The following SPATS2 variants were observed in gnomAD, a reference collection of about 807,000 sequenced individuals.
SPATS2 encodes spermatogenesis associated serine rich 2.
SPATS2 carries 38 observed loss-of-function variants against 63.7 expected under a neutral mutation model. That is an observed-to-expected ratio of 0.60 (90% confidence interval 0.46 to 0.78). The LOEUF is 0.78. SPATS2 is among the 30% of genes least tolerant of loss of function. SPATS2 has a pLI of 0.00. For missense variants in SPATS2, 588 were observed against 666.2 expected (o/e 0.88, Z 1.29); for synonymous variants, 207 against 232.9 (o/e 0.89, Z 1.01).
At chr12:49,391,533 A>G (rs1448422253) in intron 2 of SPATS2, among the ~76,000 whole-genome samples, 1 of 152,180 alleles carries the variant, frequency 6.6e-6, no homozygotes, top group East Asian at 1.9e-4. Context: ...ATATTTTAAA[A>G]AAAAGTCAAG....
In SPATS2 at chr12:49,517,188, T is replaced by G. The variant is rs192943005; in HGVS notation, c.899-1885T>G. The stretch of plus-strand genomic sequence containing the variant: ...GAAGTTGATACAAATGGCAAATAGG[T>G]TTTATCTTGGGACCTAAACCAATAG... On this transcript the variant is annotated intron_variant, in intron 10 of 13. Transcript: ENST00000552918. 1.5e-3 allele frequency among the ~76,000 whole-genome samples: 228 copies of G among 152,222 alleles called. 2 individuals carry two copies. The highest frequency in any genetic ancestry group is 8.5e-4 in the Non-Finnish European group (58 of 68,018).
At chr12:49,504,308 G>A (rs575101971) in intron 9 of SPATS2, among the ~76,000 whole-genome samples, 29 of 152,336 alleles carry the variant, frequency 1.9e-4, no homozygotes, top group Admixed American at 1.7e-3. Flanking sequence ...GCATTCTAAT[G>A]TATAAAACTT....
upstream of SPATS2, chr12:49,367,441 G>A: frequency 2.5e-6 from 1 of 400,400 alleles, no homozygotes; most frequent in Non-Finnish European, 4.4e-6. Flanking sequence ...GGCTCTGAGA[G>A]AGCTGGGGGA....
intron 5 of SPATS2, 90 bp downstream of exon 5, chr12:49,489,663 C>G (rs1037442460): frequency 6.5e-6 from 7 of 1,076,118 alleles, no homozygotes; most frequent in Non-Finnish European, 9.5e-6. Context: ...TCCAGTGATT[C>G]ATAGATGATA....
intron 2 of SPATS2, among the ~76,000 whole-genome samples, chr12:49,404,658 C>T (rs1944663965): frequency 6.6e-6 from 1 of 152,078 alleles, no homozygotes; most frequent in South Asian, 2.1e-4. Context: ...AGTTATGTGT[C>T]GAGCAGCCAC....
At chr12:49,390,938 C>G (rs866634755) in intron 2 of SPATS2, among the ~76,000 whole-genome samples, 1 of 152,142 alleles carries the variant, frequency 6.6e-6, no homozygotes, top group Non-Finnish European at 1.5e-5. Flanking sequence ...TTTTTCTCTT[C>G]TCTGGCTGAT....
At chr12:49,435,948 C>G (rs1945273735) in intron 2 of SPATS2, among the ~76,000 whole-genome samples, 1 of 150,380 alleles carries the variant, frequency 6.6e-6, no homozygotes, top group Non-Finnish European at 1.5e-5. Flanking sequence ...TCAGAGAGCA[C>G]AGGGTTGGGG....
chr12:49,513,044 T>G (rs1946777364), intron 9 of SPATS2: 7 of 578,424 alleles, frequency 1.2e-5, no homozygotes, highest in Admixed American at 3.0e-5. Flanking sequence ...GCGTAACGAT[T>G]ATCAAACCTA....
At chr12:49,504,550 C>G (rs898154938) in intron 9 of SPATS2, among the ~76,000 whole-genome samples, 3 of 152,144 alleles carry the variant, frequency 2.0e-5, no homozygotes, top group African/African-American at 7.2e-5. Context: ...GATACACACT[C>G]AGCTTCTCTT....
chr12:49,379,211 C>T (rs1944164776), intron 2 of SPATS2, among the ~76,000 whole-genome samples: 1 of 151,508 alleles, frequency 6.6e-6, no homozygotes, highest in Non-Finnish European at 1.5e-5. Context: ...TGAGCCACTG[C>T]GCCTGGCCCC....
intron 2 of SPATS2, among the ~76,000 whole-genome samples, chr12:49,429,001 G>C (rs951716946): frequency 7.2e-5 from 11 of 152,164 alleles, no homozygotes; most frequent in African/African-American, 2.4e-4. Context: ...CGAGGAGGAG[G>C]GCGCAGACAG....
intron 3 of SPATS2, among the ~76,000 whole-genome samples, chr12:49,468,309 A>C (rs1192481404): frequency 1.3e-5 from 2 of 150,666 alleles, no homozygotes; most frequent in Non-Finnish European, 3.0e-5. Flanking sequence ...ACAGGTGCCC[A>C]CCACCATGCC....
At chr12:49,400,777 G>C (rs947180422) in intron 2 of SPATS2, among the ~76,000 whole-genome samples, 1 of 152,172 alleles carries the variant, frequency 6.6e-6, no homozygotes, top group Non-Finnish European at 1.5e-5. Context: ...GAATGGATGA[G>C]GCAAAAGTTT....
intron 8 of SPATS2, 73 bp downstream of exon 8, chr12:49,497,082 G>C: frequency 7.1e-7 from 1 of 1,409,882 alleles, no homozygotes; most frequent in Non-Finnish European, 9.6e-7. Flanking sequence ...AATTATCTCT[G>C]TTGCCATAAA....
intron 3 of SPATS2, among the ~76,000 whole-genome samples, chr12:49,480,672 CTA>C (rs1286578617): frequency 2.0e-5 from 3 of 152,126 alleles, no homozygotes; most frequent in African/African-American, 7.2e-5. Context: ...TGTGGTAGTT[CTA>C]TGTTTTATCT....
chr12:49,438,277 GCAGTGTTTCTTTTTT>G lies in SPATS2; in HGVS notation c.-243-22477_-243-22463del, dbSNP rs537893475. Among the ~76,000 whole-genome samples the G allele has an allele frequency of 3.5e-3, 527 of 152,278 alleles. 5 individuals are homozygous for G. The highest frequency in any genetic ancestry group is 0.011 in the African/African-American group (469 of 41,550). ...ATGAGATATAGCTATGTTGTATGTA[GCAGTGTTTCTTTTTT>G]CAGTGTTTCTTTTTTATTAGTAGTT... On this transcript the variant is annotated intron_variant, in intron 2 of 13. Coordinates refer to ENST00000552918, the MANE Select transcript of SPATS2 (RefSeq NM_023071.4).
chr12:49,491,520 G>A (rs191763919), intron 6 of SPATS2, among the ~76,000 whole-genome samples: 33 of 152,102 alleles, frequency 2.2e-4, no homozygotes, highest in African/African-American at 8.0e-4. Context: ...TTCAAGTCTG[G>A]GCAACATGAT....
At chr12:49,503,638 G>C (rs1177259059) in intron 9 of SPATS2, among the ~76,000 whole-genome samples, 1 of 144,610 alleles carries the variant, frequency 6.9e-6, no homozygotes, top group Non-Finnish European at 1.5e-5. Context: ...GACAGAGCAA[G>C]ACTCCATCTC....
At chr12:49,402,847 C>G (rs1036546942) in intron 2 of SPATS2, among the ~76,000 whole-genome samples, 1 of 152,128 alleles carries the variant, frequency 6.6e-6, no homozygotes, top group African/African-American at 2.4e-5. Flanking sequence ...TCTAGGCCCT[C>G]TGGTATAAGA....
Sources: allele counts gnomAD v4.1 joint callset (sites outside exome capture counted in the v4.1 genomes callset), GRCh38; gene constraint gnomAD v4.1.1; transcripts MANE v1.5; gene names NCBI Gene and HGNC (gene_info 2026-07-23, HGNC 2026-07-21).